UNC5D: variants seen among roughly 807,000 people sequenced by gnomAD.
The protein encoded by UNC5D is netrin receptor UNC5D.
Under a neutral mutation model 105.4 loss-of-function variants are expected in UNC5D, and 39 were observed. That is an observed-to-expected ratio of 0.37 (90% CI 0.29 to 0.48). The LOEUF is 0.48. Ranked by LOEUF, UNC5D falls within the 20% of genes least tolerant of loss-of-function variation. UNC5D has a pLI of 0.98. For missense variants in UNC5D, 991 were observed against 1,202.4 expected (o/e 0.82, Z 2.60); for synonymous variants, 452 against 450.4 (o/e 1.00, Z -0.04).
intron 3 of UNC5D, among the ~76,000 whole-genome samples, chr8:35,581,750 T>C (rs539157214): frequency 1.3e-5 from 2 of 152,174 alleles, no homozygotes; most frequent in Admixed American, 1.3e-4. Context: ...GTACCCATAA[T>C]AATTAAAAAC....
At chr8:35,649,227 G>A (rs150173324) in intron 4 of UNC5D, among the ~76,000 whole-genome samples, 292 of 152,270 alleles carry the variant, frequency 1.9e-3, no homozygotes, top group African/African-American at 6.3e-3. Flanking sequence ...GGGAAGTTGC[G>A]TACCTTCAAC....
chr8:35,560,941 A>G (rs916001640), intron 2 of UNC5D, among the ~76,000 whole-genome samples: 4 of 152,304 alleles, frequency 2.6e-5, no homozygotes, highest in South Asian at 4.1e-4. Context: ...CCTACTGACA[A>G]GAGTGGGGTA....
At chr8:35,292,579 CT>C (rs1302465287) in intron 1 of UNC5D, among the ~76,000 whole-genome samples, 17 of 152,238 alleles carry the variant, frequency 1.1e-4, no homozygotes, top group South Asian at 8.3e-4. Context: ...AGTCAAATAT[CT>C]TTGTGTAATT....
chr8:35,582,067 C>A (rs1040663231), intron 3 of UNC5D, among the ~76,000 whole-genome samples: 4 of 152,198 alleles, frequency 2.6e-5, no homozygotes, highest in African/African-American at 4.8e-5. Flanking sequence ...AATGATTACT[C>A]TTGAAGAAAA....
intron 7 of UNC5D, 83 bp downstream of exon 7, chr8:35,686,792 G>A (rs939234582): frequency 5.4e-6 from 8 of 1,484,222 alleles, no homozygotes; most frequent in African/African-American, 2.9e-5. Context: ...AGCCATTAAT[G>A]TGGTTAAATA....
At chr8:35,730,583 C>T (rs1829133361) in intron 10 of UNC5D, among the ~76,000 whole-genome samples, 1 of 152,136 alleles carries the variant, frequency 6.6e-6, no homozygotes, top group Admixed American at 6.6e-5. Flanking sequence ...AGTATTAGAT[C>T]ACTCACTCAC....
chr8:35,521,275 G>A (rs1259766432), intron 1 of UNC5D, among the ~76,000 whole-genome samples: 1 of 152,058 alleles, frequency 6.6e-6, no homozygotes, highest in Non-Finnish European at 1.5e-5. Context: ...AAGAAGACGA[G>A]TGGGCATATT....
At chr8:35,471,669 G>C (rs938798070) in intron 1 of UNC5D, among the ~76,000 whole-genome samples, 6 of 152,016 alleles carry the variant, frequency 3.9e-5, no homozygotes, top group African/African-American at 1.4e-4. Flanking sequence ...CCTCCTTCAT[G>C]GTTAAGAAAA....
At chr8:35,327,349 T>C (rs772551307) in intron 1 of UNC5D, among the ~76,000 whole-genome samples, 1 of 152,232 alleles carries the variant, frequency 6.6e-6, no homozygotes, top group Non-Finnish European at 1.5e-5. Context: ...ATTTTCTGCA[T>C]GCCTGCTTCC....
intron 16 of UNC5D, among the ~76,000 whole-genome samples, chr8:35,785,371 A>G (rs1355089151): frequency 1.3e-5 from 2 of 152,020 alleles, no homozygotes; most frequent in Non-Finnish European, 2.9e-5. Flanking sequence ...AGGTATATAT[A>G]TATATTGAGA....
intron 4 of UNC5D, among the ~76,000 whole-genome samples, chr8:35,673,867 T>C (rs1825010999): frequency 6.6e-6 from 1 of 152,126 alleles, no homozygotes; most frequent in South Asian, 2.1e-4. Flanking sequence ...TTTAGGACAT[T>C]AGGATATATC....
intron 1 of UNC5D, among the ~76,000 whole-genome samples, chr8:35,392,696 TACTC>T (rs1480599904): frequency 6.6e-6 from 1 of 152,144 alleles, no homozygotes; most frequent in Non-Finnish European, 1.5e-5. Flanking sequence ...TATAAAGTAA[TACTC>T]ACAGGTTCTA....
At chr8:35,718,829 T>C (rs1828404460) in intron 8 of UNC5D, among the ~76,000 whole-genome samples, 1 of 151,730 alleles carries the variant, frequency 6.6e-6, no homozygotes. Flanking sequence ...GGAGTAGGGG[T>C]CGGGGGGTAT....
chr8:35,299,021 C>T (rs910380766), intron 1 of UNC5D, among the ~76,000 whole-genome samples: 1 of 152,150 alleles, frequency 6.6e-6, no homozygotes, highest in African/African-American at 2.4e-5. Context: ...AATGATTAAA[C>T]ACTTGTGCAA....
At chr8:35,455,472 T>C (rs1395540787) in intron 1 of UNC5D, among the ~76,000 whole-genome samples, 3 of 151,646 alleles carry the variant, frequency 2.0e-5, no homozygotes, top group Non-Finnish European at 4.4e-5. Flanking sequence ...AGAGACGGGG[T>C]TTTGCCATAT....
intron 1 of UNC5D, among the ~76,000 whole-genome samples, chr8:35,281,411 AC>A (rs1251039966): frequency 1.0e-5 from 1 of 97,504 alleles, no homozygotes; most frequent in Non-Finnish European, 2.1e-5. Context: ...CTCTTTTAAT[AC>A]TTTTTTTTTC....
At chr8:35,480,353 G>A (rs966173417) in intron 1 of UNC5D, among the ~76,000 whole-genome samples, 25 of 152,114 alleles carry the variant, frequency 1.6e-4, no homozygotes, top group African/African-American at 5.8e-4. Context: ...ATACAATCTG[G>A]TCTATCTTGA....
chr8:35,525,198 T>C, intron 1 of UNC5D: 3 of 1,611,092 alleles, frequency 1.9e-6, no homozygotes, highest in Non-Finnish European at 2.5e-6. Flanking sequence ...GGCAGCCTCC[T>C]TCTGTGGTTG....
At chr8:35,430,171 G>T (rs2128974337) in intron 1 of UNC5D, among the ~76,000 whole-genome samples, 1 of 152,182 alleles carries the variant, frequency 6.6e-6, no homozygotes, top group South Asian at 2.1e-4. Context: ...AACCTCCAAG[G>T]AGGAGAGAGG....
Sources: gnomAD v4.1 joint callset for allele counts (sites outside exome capture counted in the v4.1 genomes callset) on GRCh38, gnomAD v4.1.1 for gene constraint, MANE v1.5 for transcripts, NCBI Gene and HGNC (gene_info 2026-07-23, HGNC 2026-07-21) for gene names.